Variants in PCDHA10 observed in about 807,000 individuals in gnomAD.
The protein encoded by PCDHA10 is protocadherin alpha 10.
PCDHA10 carries 45 observed loss-of-function variants against 61.2 expected under a neutral mutation model. The observed-to-expected ratio is 0.74, with a 90% CI of 0.58 to 0.94. The LOEUF (loss-of-function observed/expected upper bound fraction) is 0.94. Among genes scored for constraint, PCDHA10 ranks in the 40% least tolerant of loss-of-function variants. PCDHA10 has a pLI of 0.00. For synonymous variants in PCDHA10, 602 were observed against 548.8 expected, an observed-to-expected ratio of 1.10 and a Z score of -1.35; for missense variants, 1,278 against 1,236.2, an observed-to-expected ratio of 1.03 and a Z score of -0.51.
chr5:140,915,626 G>GTCCC (rs1554196996), intron 1 of PCDHA10, among the ~76,000 whole-genome samples: 2 of 146,436 alleles, frequency 1.4e-5, no homozygotes, highest in Non-Finnish European at 3.0e-5. Flanking sequence ...GTCTCTTTCT[G>GTCCC]TCTCTCTCTC....
chr5:140,985,007 G>A (rs1349447884), intron 3 of PCDHA10, among the ~76,000 whole-genome samples: 2 of 151,706 alleles, frequency 1.3e-5, no homozygotes, highest in African/African-American at 4.8e-5. Flanking sequence ...GCACGATATC[G>A]GCTCACAGCA....
chr5:140,903,647 T>A (rs1583499959), intron 1 of PCDHA10, among the ~76,000 whole-genome samples: 1 of 152,228 alleles, frequency 6.6e-6, no homozygotes, highest in East Asian at 1.9e-4. Flanking sequence ...ACCATATACA[T>A]ATATTATAAA....
chr5:140,874,129 GTTATC>G (rs1339746498), intron 1 of PCDHA10, among the ~76,000 whole-genome samples: 2 of 151,518 alleles, frequency 1.3e-5, no homozygotes, highest in Non-Finnish European at 2.9e-5. Flanking sequence ...GTTTATTTAA[GTTATC>G]TTATACTTGT....
chr5:140,928,533 T>C (rs112671808), intron 1 of PCDHA10: 1 of 1,614,230 alleles, frequency 6.2e-7, no homozygotes, highest in African/African-American at 1.3e-5. Flanking sequence ...TTGTGGTAGA[T>C]AGGAATGACA....
chr5:140,941,202 C>CTTTCTGTCTTTCTTT (rs1554213921), intron 1 of PCDHA10, among the ~76,000 whole-genome samples: 1 of 122,742 alleles, frequency 8.1e-6, no homozygotes, highest in African/African-American at 3.0e-5. Context: ...TTTCTTTCTT[C>CTTTCTGTCTTTCTTT]CTTTCTTTCT....
intron 1 of PCDHA10, chr5:140,862,660 G>T: frequency 1.8e-6 from 1 of 546,542 alleles, no homozygotes; most frequent in Non-Finnish European, 3.7e-6. Flanking sequence ...GCGGGACCGG[G>T]ACGCGCAGGA....
Position 140,857,164 on chromosome 5 carries a change from C to T in PCDHA10, c.1116C>T (p.Ser372=). 6.3e-7 allele frequency: 1 copy of T among 1,598,342 alleles called. No homozygotes were observed. The highest frequency in any genetic ancestry group is 8.6e-7 in the Non-Finnish European group (1 of 1,167,786). The part of the protein sequence containing the change: ...AQVGTVIALI[S]VSDHDSGANG... The stretch of plus-strand genomic sequence containing the variant: ...TGGGCACCGTCATTGCCCTAATCAG[C>T]GTTTCTGACCATGATTCAGGAGCCA... Residue 372 remains serine, a synonymous_variant, in exon 1 of 4, where the codon AGC becomes AGT. Transcript: ENST00000307360.
intron 1 of PCDHA10, chr5:140,862,547 G>T: frequency 2.2e-6 from 1 of 455,636 alleles, no homozygotes; most frequent in South Asian, 1.7e-5. Context: ...CGTGGAAGTG[G>T]CCGAACAGTG....
chr5:140,882,132 A>C, intron 1 of PCDHA10: 1 of 1,475,878 alleles, frequency 6.8e-7, no homozygotes. Flanking sequence ...TTCTTCCTGC[A>C]GAAAATATAG....
intron 1 of PCDHA10, among the ~76,000 whole-genome samples, chr5:140,973,052 G>C (rs114678656): frequency 0.013 from 2,011 of 152,210 alleles, 55 homozygotes; most frequent in African/African-American, 0.046. Flanking sequence ...TAGTAGATTT[G>C]TCCAACAGTG....
chr5:140,869,999 G>A, intron 1 of PCDHA10: 1 of 1,613,514 alleles, frequency 6.2e-7, no homozygotes, highest in Non-Finnish European at 8.5e-7. Context: ...CAAAATAATG[G>A]AGAAGTGAGG....
chr5:140,900,768 T>A (rs1554189412), intron 1 of PCDHA10, among the ~76,000 whole-genome samples: 2 of 152,192 alleles, frequency 1.3e-5, no homozygotes, highest in Non-Finnish European at 1.5e-5. Context: ...TATTTTTGGC[T>A]TTTTGAGGAA....
At chr5:140,883,406 G>T (rs782181791) in intron 1 of PCDHA10, 3 of 1,614,156 alleles carry the variant, frequency 1.9e-6, no homozygotes, top group Non-Finnish European at 1.7e-6. Context: ...TCGTGACTCT[G>T]GCTCAAATGG....
chr5:140,871,066 G>A (rs1554165067), intron 1 of PCDHA10: 4 of 1,613,276 alleles, frequency 2.5e-6, no homozygotes, highest in South Asian at 2.2e-5. Flanking sequence ...GGATCACGGT[G>A]AGCCGGCGCT....
chr5:140,881,283 A>T, intron 1 of PCDHA10: 1 of 799,388 alleles, frequency 1.3e-6, no homozygotes, highest in Non-Finnish European at 1.5e-6. Flanking sequence ...TAAGATGGAG[A>T]GAGAAAATGG....
At chr5:140,866,951 G>C (rs1207354253) in intron 1 of PCDHA10, 1 of 152,106 alleles carries the variant, frequency 6.6e-6, no homozygotes, top group African/African-American at 2.4e-5. Flanking sequence ...CTAGGGGCTG[G>C]TTGAGATGGT....
chr5:140,966,968 G>C, intron 1 of PCDHA10: 2 of 1,602,616 alleles, frequency 1.2e-6, no homozygotes, highest in Non-Finnish European at 1.7e-6. Context: ...GCTGGGGCTT[G>C]AGCTGCGGCG....
intron 1 of PCDHA10, chr5:140,883,864 G>A: frequency 6.2e-7 from 1 of 1,613,210 alleles, no homozygotes; most frequent in East Asian, 2.2e-5. Flanking sequence ...AGCTGTTGCA[G>A]TTCCAGGTGA....
At chr5:140,888,108 T>C (rs1554183322) in intron 1 of PCDHA10, among the ~76,000 whole-genome samples, 1 of 152,248 alleles carries the variant, frequency 6.6e-6, no homozygotes, top group Non-Finnish European at 1.5e-5. Flanking sequence ...CTTCTTTTAA[T>C]CTATCTTCTT....
Sources: gnomAD v4.1 joint callset for allele counts (sites outside exome capture counted in the v4.1 genomes callset) on GRCh38, gnomAD v4.1.1 for gene constraint, MANE v1.5 for transcripts, NCBI Gene and HGNC (gene_info 2026-07-23, HGNC 2026-07-21) for gene names.